LMLN: variants seen among roughly 807,000 people sequenced by gnomAD.
LMLN encodes the protein leishmanolysin like peptidase.
A neutral mutation model predicts 92.3 loss-of-function variants in LMLN; 70 were observed. The observed-to-expected ratio is 0.76, with a 90% CI of 0.63 to 0.92. The LOEUF (loss-of-function observed/expected upper bound fraction) is 0.92. LMLN is among the 40% of genes least tolerant of loss of function. LMLN has a pLI of 0.00. For missense variants in LMLN, 691 were observed against 814.6 expected, an observed-to-expected ratio of 0.85 and a Z score of 1.85; for synonymous variants, 308 against 296.2, an observed-to-expected ratio of 1.04 and a Z score of -0.41.
At chr3:198,012,150 C>G (rs1463906177) in intron 11 of LMLN, among the ~76,000 whole-genome samples, 1 of 152,208 alleles carries the variant, frequency 6.6e-6, no homozygotes, top group Non-Finnish European at 1.5e-5. Context: ...ACTGCAGCCT[C>G]TGGTGCCGAG....
At chr3:198,011,891 A>G (rs2109918637) in intron 11 of LMLN, among the ~76,000 whole-genome samples, 1 of 152,334 alleles carries the variant, frequency 6.6e-6, no homozygotes, top group East Asian at 1.9e-4. Flanking sequence ...TAATTAAACT[A>G]AAGAGCTTCT....
At chr3:198,013,055 T>C (rs1214356912) in intron 11 of LMLN, among the ~76,000 whole-genome samples, 3 of 124,812 alleles carry the variant, frequency 2.4e-5, no homozygotes, top group African/African-American at 7.4e-5. Context: ...GACTTCTCTG[T>C]ACCCTTCAGA....
intron 5 of LMLN, among the ~76,000 whole-genome samples, chr3:197,979,932 A>T (rs1455756577): frequency 1.3e-5 from 2 of 152,164 alleles, no homozygotes; most frequent in Non-Finnish European, 1.5e-5. Context: ...GATTTTTTTT[A>T]CCACTTAGTT....
chr3:197,995,350 T>C (rs1721988248), intron 9 of LMLN, among the ~76,000 whole-genome samples: 1 of 152,180 alleles, frequency 6.6e-6, no homozygotes, highest in Non-Finnish European at 1.5e-5. Flanking sequence ...TCAACAGTTA[T>C]ACACAGATAT....
chr3:198,002,946 C>G (rs1722216470), intron 11 of LMLN, 69 bp from the exon 12 acceptor site: 2 of 850,634 alleles, frequency 2.4e-6, no homozygotes, highest in Non-Finnish European at 1.9e-6. Context: ...TTGAGATTCT[C>G]AATTGTTATG....
At chr3:198,037,965 G>C (rs572739761) in intron 15 of LMLN, among the ~76,000 whole-genome samples, 1 of 152,072 alleles carries the variant, frequency 6.6e-6, no homozygotes, top group African/African-American at 2.4e-5. Flanking sequence ...TAGTCCTCTC[G>C]CTTGCATCCT....
At chr3:198,017,702 A>C (rs912825122) in intron 11 of LMLN, among the ~76,000 whole-genome samples, 6 of 152,248 alleles carry the variant, frequency 3.9e-5, no homozygotes, top group African/African-American at 1.4e-4. Flanking sequence ...GCAGATCACG[A>C]GGTCCAGAGA....
In LMLN at chr3:197,998,811, C is replaced by G. The variant is rs527506919; in HGVS notation, c.1156-455C>G. Among the ~76,000 whole-genome samples the G allele has an allele frequency of 2.0e-5, 3 of 152,176 alleles. No individual in the cohort carries two copies. In the South Asian group the frequency reaches 6.2e-4, roughly 32 times the overall value. On this transcript the variant is annotated intron_variant, in intron 10 of 15. Coordinates refer to ENST00000330198, the Ensembl canonical transcript of LMLN. ...AGTCCTTTTACCCCATGATTCTGTC[C>G]CACTTGTTTTGCATGTTACACATGT... is the stretch of plus-strand genomic sequence containing the variant.
rs138529020 is a variant in LMLN at position 198,007,030 on chromosome 3, T to C, written c.1232+7688T>C. 5.2e-3 allele frequency among the ~76,000 whole-genome samples: 791 copies of C among 152,282 alleles called. 7 individuals are homozygous for C. The highest frequency in any genetic ancestry group is 0.018 in the African/African-American group (754 of 41,506). ...AGCCAATTTTTTAATTGGATTGTTTTTTACTGTTGAGTTTTGAGAGTTCTT... is the reference window on the plus strand; with the variant it reads ...AGCCAATTTTTTAATTGGATTGTTTCTTACTGTTGAGTTTTGAGAGTTCTT... On this transcript the variant is annotated intron_variant, in intron 11 of 15. Coordinates refer to ENST00000330198, the Ensembl canonical transcript of LMLN.
chr3:198,023,656 T>C (rs1184202250), intron 13 of LMLN, among the ~76,000 whole-genome samples: 1 of 152,246 alleles, frequency 6.6e-6, no homozygotes, highest in Non-Finnish European at 1.5e-5. Flanking sequence ...AATGGGCTAA[T>C]TGAACTCTCT....
At chr3:198,001,531 T>C (rs1722172309) in intron 11 of LMLN, among the ~76,000 whole-genome samples, 1 of 152,218 alleles carries the variant, frequency 6.6e-6, no homozygotes, top group Non-Finnish European at 1.5e-5. Flanking sequence ...AAATAATTGC[T>C]AGTGCACAAC....
intron 11 of LMLN, among the ~76,000 whole-genome samples, chr3:198,013,798 C>A (rs1467504680): frequency 1.4e-5 from 2 of 141,052 alleles, no homozygotes; most frequent in Admixed American, 6.8e-5. Flanking sequence ...TTCTCTCCAC[C>A]CTTCAGAGCC....
At chr3:197,976,561 T>C in intron 4 of LMLN, 37 bp from the exon 5 acceptor site, 1 of 1,196,440 alleles carries the variant, frequency 8.4e-7, no homozygotes, top group Non-Finnish European at 1.2e-6. Context: ...ATATTCTCTT[T>C]TTTGTATTTA....
rs149847677 is a variant in LMLN, at chr3:198,020,903, G to A, written c.1366-543G>A. 1.8e-3 allele frequency among the ~76,000 whole-genome samples: 264 copies of A among 146,588 alleles called. 1 individual carries two copies. The highest frequency in any genetic ancestry group is 6.1e-3 in the African/African-American group (240 of 39,548). On this transcript the variant is annotated intron_variant, in intron 12 of 15. Transcript: ENST00000330198. ...CTCCCAAAGTGCTGGGATTACAGGC[G>A]TGATCCACCATGCCCGGCCATAAAA...
intron 15 of LMLN, among the ~76,000 whole-genome samples, chr3:198,036,500 C>A (rs535514933): frequency 1.3e-5 from 2 of 152,050 alleles, no homozygotes; most frequent in Non-Finnish European, 2.9e-5. Flanking sequence ...TGCAATAACA[C>A]ACATGCGAAA....
chr3:197,982,096 G>A (rs1721574958), intron 6 of LMLN, among the ~76,000 whole-genome samples: 1 of 152,062 alleles, frequency 6.6e-6, no homozygotes, highest in South Asian at 2.1e-4. Context: ...GTGAGCCACT[G>A]TGCCTGGCCT....
exon 16 of LMLN, chr3:198,041,803 A>T (rs1723411476): frequency 6.6e-6 from 1 of 152,234 alleles, no homozygotes; most frequent in Non-Finnish European, 1.5e-5. Context: ...TGAATTAATC[A>T]TATATTTGAG....
At chr3:197,969,320 G>T (rs1020592446) in intron 1 of LMLN, among the ~76,000 whole-genome samples, 1 of 151,920 alleles carries the variant, frequency 6.6e-6, no homozygotes, top group Admixed American at 6.6e-5. Context: ...TCATGAATTT[G>T]AGATCTTTTT....
chr3:198,011,696 C>A (rs1437347814), intron 11 of LMLN, among the ~76,000 whole-genome samples: 1 of 151,342 alleles, frequency 6.6e-6, no homozygotes, highest in African/African-American at 2.4e-5. Context: ...GAGGAATCGC[C>A]ACACTGACTT....
Sources: gnomAD v4.1 joint callset for allele counts (sites outside exome capture counted in the v4.1 genomes callset) on GRCh38, gnomAD v4.1.1 for gene constraint, MANE v1.5 for transcripts, NCBI Gene and HGNC (gene_info 2026-07-23, HGNC 2026-07-21) for gene names.